Variants in ZNF37A observed in about 807,000 individuals in gnomAD.
ZNF37A encodes the protein zinc finger protein 37a (KOX 21).
ZNF37A carries 10 observed loss-of-function variants against 12.3 expected under a neutral mutation model. The observed-to-expected ratio is 0.82, with a 90% confidence interval of 0.50 to 1.38. The LOEUF (loss-of-function observed/expected upper bound fraction) is 1.38. ZNF37A is among the 40% of genes most tolerant of loss of function. The probability of loss-of-function intolerance (pLI) is 0.00; values close to 1 mark genes in which losing one functional copy is unlikely to be tolerated. For synonymous variants in ZNF37A, 207 were observed against 223.0 expected (o/e 0.93, Z 0.64); for missense variants, 580 against 651.2 (o/e 0.89, Z 1.19).
chr10:38,130,061 C>T (rs2069999584), downstream of ZNF37A, among the ~76,000 whole-genome samples: 3 of 152,222 alleles, frequency 2.0e-5, no homozygotes, highest in African/African-American at 7.2e-5. Flanking sequence ...TCCCTGGTCA[C>T]TTCTATTCTA....
At chr10:38,115,484 A>G (rs1250288872) in intron 7 of ZNF37A, 194 bp downstream of exon 7, 5 of 647,028 alleles carry the variant, frequency 7.7e-6, no homozygotes, top group Non-Finnish European at 1.2e-5. Context: ...ACTTTCATAC[A>G]CACATCTTGT....
chr10:38,125,852 C>T (rs1339978677), downstream of ZNF37A, among the ~76,000 whole-genome samples: 1 of 152,144 alleles, frequency 6.6e-6, no homozygotes, highest in Non-Finnish European at 1.5e-5. Context: ...GTTCTGCAGG[C>T]TTTACAGGAA....
rs2135821366 is a variant in ZNF37A at position 38,094,392 on chromosome 10, G to A, written c.-590G>A. On this transcript the variant is annotated 5_prime_UTR_variant, in exon 1 of 8. Coordinates refer to ENST00000685332, the MANE Select transcript of ZNF37A (RefSeq NM_001324250.3). ...CGCGGGAGCCGCTTCGGGCCTTCTGGGCATGTCTGCCATATGGCTCCAGGT... is the reference window on the plus strand; with the variant it reads ...CGCGGGAGCCGCTTCGGGCCTTCTGAGCATGTCTGCCATATGGCTCCAGGT... 1 of 152,328 alleles carries A rather than the reference G, an allele frequency of 6.6e-6. No individual in the cohort carries two copies. Among genetic ancestry groups the A allele is most frequent in the South Asian group, 2.1e-4 (1 of 4,826 alleles). The allele number at this position is 152,328 out of a possible 1,614,324, so 9.4% of individuals were successfully genotyped here.
intron 4 of ZNF37A, 78 bp from the exon 5 acceptor site, chr10:38,096,496 T>C: frequency 1.1e-6 from 1 of 936,408 alleles, no homozygotes; most frequent in Non-Finnish European, 1.7e-6. Context: ...GTATCTCCCT[T>C]TCAGAGATGT....
intron 1 of ZNF37A, 89 bp downstream of exon 1, chr10:38,094,579 T>G (rs1185071507): frequency 2.6e-5 from 4 of 152,556 alleles, no homozygotes; most frequent in African/African-American, 9.7e-5. Flanking sequence ...CCGCCTGGCC[T>G]GGGTCCGAAT....
At chr10:38,101,227 T>C (rs953181519) in intron 5 of ZNF37A, among the ~76,000 whole-genome samples, 1 of 152,204 alleles carries the variant, frequency 6.6e-6, no homozygotes, top group Admixed American at 6.5e-5. Flanking sequence ...GTTTTTGGTA[T>C]TATATCCAAG....
chr10:38,145,384 G>C (rs1383204807), intron 7 of ZNF37A, among the ~76,000 whole-genome samples: 1 of 152,120 alleles, frequency 6.6e-6, no homozygotes, highest in African/African-American at 2.4e-5. Flanking sequence ...ACTAAGAGAG[G>C]CTGTGAGTGC....
chr10:38,109,661 A>T (rs1417967666), intron 5 of ZNF37A, among the ~76,000 whole-genome samples: 1 of 152,234 alleles, frequency 6.6e-6, no homozygotes, highest in Non-Finnish European at 1.5e-5. Context: ...ATACAAAATC[A>T]ACGTGCAAAA....
intron 7 of ZNF37A, among the ~76,000 whole-genome samples, chr10:38,136,585 T>C (rs1381703161): frequency 1.3e-5 from 2 of 152,248 alleles, no homozygotes; most frequent in Non-Finnish European, 2.9e-5. Context: ...TTCAATATTC[T>C]CTGTCTTTTA....
chr10:38,100,536 C>G (rs1306603547), intron 5 of ZNF37A, among the ~76,000 whole-genome samples: 1 of 152,164 alleles, frequency 6.6e-6, no homozygotes, highest in Non-Finnish European at 1.5e-5. Context: ...CGATATTTCT[C>G]CCATTTGCTT....
In ZNF37A at chr10:38,118,001, T is replaced by A; in HGVS notation, c.850T>A (p.Ser284Thr). 4 of 1,613,984 alleles carry A rather than the reference T, an allele frequency of 2.5e-6. No individual in the cohort carries two copies. Among genetic ancestry groups the A allele is most frequent in the Non-Finnish European group, 3.4e-6 (4 of 1,180,026 alleles). Residue 284 changes from serine (S) to threonine (T), a missense_variant, in exon 8 of 8, where the codon TCA becomes ACA. By Grantham distance (58) the Ser-to-Thr change is moderately conservative. Coordinates refer to ENST00000685332, the MANE Select transcript of ZNF37A (RefSeq NM_001324250.3). ...HECGKTFTQK[S>T]AHTRHQRTHT... The stretch of plus-strand genomic sequence containing the variant: ...ATGTGGAAAAACCTTCACCCAGAAG[T>A]CAGCCCACACAAGACATCAGAGAAC...
chr10:38,103,614 T>C (rs1168300918), intron 5 of ZNF37A, among the ~76,000 whole-genome samples: 1 of 152,214 alleles, frequency 6.6e-6, no homozygotes, highest in Non-Finnish European at 1.5e-5. Context: ...TGCCTCATAA[T>C]TTTTTATTGA....
intron 7 of ZNF37A, among the ~76,000 whole-genome samples, chr10:38,131,444 C>A (rs2070025845): frequency 1.3e-5 from 2 of 152,114 alleles, no homozygotes; most frequent in African/African-American, 4.8e-5. Flanking sequence ...TTTTTGAAGA[C>A]TATCATTTTT....
Position 38,119,495 on chromosome 10 carries a change from G to A in ZNF37A, c.*658G>A. 2.1e-5 allele frequency: 15 copies of A among 728,828 alleles called. No homozygotes were observed. Among genetic ancestry groups the A allele is most frequent in the Non-Finnish European group, 2.5e-5 (15 of 595,684 alleles). 45.1% of individuals were successfully genotyped at this position (728,828 alleles called of 1,614,324 possible). A position where few individuals can be genotyped will look rare whatever the true frequency, so the allele number is the denominator to read the frequency against. On this transcript the variant is annotated 3_prime_UTR_variant, in exon 8 of 8. Coordinates refer to ENST00000685332, the MANE Select transcript of ZNF37A (RefSeq NM_001324250.3). ...TATTTTTAACTGTATCCAATGTGTG[G>A]ATGTTTTAAGTTAAAATCTAAATTT...
intron 7 of ZNF37A, chr10:38,144,391 G>A (rs2070226115): frequency 6.6e-6 from 1 of 152,054 alleles, no homozygotes; most frequent in Non-Finnish European, 1.5e-5. Context: ...TAAACTTACT[G>A]TCTGTATATT....
chr10:38,135,736 C>T (rs1005739913), intron 7 of ZNF37A, among the ~76,000 whole-genome samples: 6 of 152,114 alleles, frequency 3.9e-5, no homozygotes, highest in Non-Finnish European at 5.9e-5. Context: ...TCCTCACAGG[C>T]GGCAGGGGAG....
chr10:38,103,901 G>A (rs1477376628), intron 5 of ZNF37A, among the ~76,000 whole-genome samples: 1 of 152,162 alleles, frequency 6.6e-6, no homozygotes, highest in Non-Finnish European at 1.5e-5. Context: ...CCTGTTTTAG[G>A]GCGCTCCTGT....
chr10:38,134,811 T>C (rs2070085154), intron 7 of ZNF37A, among the ~76,000 whole-genome samples: 1 of 152,214 alleles, frequency 6.6e-6, no homozygotes, highest in Non-Finnish European at 1.5e-5. Flanking sequence ...ACCACTACTG[T>C]CTTCGAAGCT....
chr10:38,115,958 C>G (rs2069241209), intron 7 of ZNF37A, among the ~76,000 whole-genome samples: 3 of 151,984 alleles, frequency 2.0e-5, no homozygotes, highest in African/African-American at 7.2e-5. Context: ...TTTGTGATCT[C>G]AGCTACTGGG....
Sources: allele counts gnomAD v4.1 joint callset (sites outside exome capture counted in the v4.1 genomes callset), GRCh38; gene constraint gnomAD v4.1.1; transcripts MANE v1.5; gene names NCBI Gene and HGNC (gene_info 2026-07-23, HGNC 2026-07-21).